Variants in CNTNAP2 observed in about 807,000 individuals in gnomAD.
The protein encoded by CNTNAP2 is contactin associated protein 2, also known as contactin-associated protein-like 2.
A neutral mutation model predicts 155.2 loss-of-function variants in CNTNAP2; 98 were observed. The observed-to-expected ratio is 0.63, with a 90% CI of 0.54 to 0.75. The LOEUF (loss-of-function observed/expected upper bound fraction) is 0.75, where lower values mean the gene tolerates loss of function less well. Among genes scored for constraint, CNTNAP2 ranks in the 30% least tolerant of loss-of-function variants. CNTNAP2 has a pLI of 0.00. For synonymous variants in CNTNAP2, 651 were observed against 631.2 expected, an observed-to-expected ratio of 1.03 and a Z score of -0.47; for missense variants, 1,727 against 1,688.1, an observed-to-expected ratio of 1.02 and a Z score of -0.40.
intron 13 of CNTNAP2, among the ~76,000 whole-genome samples, chr7:147,902,698 G>T (rs1309319611): frequency 6.6e-6 from 1 of 151,626 alleles, no homozygotes; most frequent in Non-Finnish European, 1.5e-5. Flanking sequence ...TAGAATAATA[G>T]TCTTCAGTCC....
chr7:146,941,043 T>C (rs550645125), intron 3 of CNTNAP2, among the ~76,000 whole-genome samples: 7 of 152,194 alleles, frequency 4.6e-5, no homozygotes, highest in African/African-American at 1.7e-4. Context: ...TATAGTTAGG[T>C]CCTATTTTTT....
At chr7:146,244,000 G>A (rs1799604516) in intron 1 of CNTNAP2, among the ~76,000 whole-genome samples, 2 of 152,084 alleles carry the variant, frequency 1.3e-5, no homozygotes, top group African/African-American at 4.8e-5. Flanking sequence ...GGAAGATTTT[G>A]TGGTAAGGGG....
intron 14 of CNTNAP2, among the ~76,000 whole-genome samples, chr7:147,913,484 G>A (rs868086540): frequency 2.0e-5 from 3 of 151,950 alleles, no homozygotes; most frequent in Middle Eastern, 3.2e-3. Flanking sequence ...AAACACAAAT[G>A]GTTTTTACAG....
chr7:147,288,541 A>G (rs1805232382), intron 8 of CNTNAP2, among the ~76,000 whole-genome samples: 1 of 152,252 alleles, frequency 6.6e-6, no homozygotes, highest in Non-Finnish European at 1.5e-5. Context: ...CACCCCAGTC[A>G]TAAGAAATCA....
At chr7:146,845,962 T>C (rs1355608113) in intron 3 of CNTNAP2, among the ~76,000 whole-genome samples, 2 of 152,220 alleles carry the variant, frequency 1.3e-5, no homozygotes, top group Admixed American at 6.5e-5. Flanking sequence ...CCATTTGTTA[T>C]AGTGGTTGCA....
chr7:147,093,904 A>T (rs1423887139), intron 4 of CNTNAP2, among the ~76,000 whole-genome samples: 5 of 152,154 alleles, frequency 3.3e-5, no homozygotes, highest in African/African-American at 7.2e-5. Context: ...AGGAAAAAAA[A>T]TAGGAAAGAA....
intron 3 of CNTNAP2, among the ~76,000 whole-genome samples, chr7:146,859,050 C>T (rs1191713531): frequency 1.3e-5 from 2 of 152,086 alleles, no homozygotes; most frequent in African/African-American, 4.8e-5. Flanking sequence ...GACTCAGGTC[C>T]TATAAATGAA....
At chr7:148,324,492 A>G (rs1797855379) in intron 21 of CNTNAP2, among the ~76,000 whole-genome samples, 1 of 152,150 alleles carries the variant, frequency 6.6e-6, no homozygotes, top group African/African-American at 2.4e-5. Flanking sequence ...ACCAGAATGT[A>G]ATTTCAAGAG....
intron 13 of CNTNAP2, among the ~76,000 whole-genome samples, chr7:147,744,600 A>G (rs1797007435): frequency 1.3e-5 from 2 of 152,232 alleles, no homozygotes; most frequent in Admixed American, 6.5e-5. Flanking sequence ...CAAAGATTGG[A>G]TGGCATAAGC....
At chr7:146,334,227 C>G (rs1222523538) in intron 1 of CNTNAP2, among the ~76,000 whole-genome samples, 1 of 152,090 alleles carries the variant, frequency 6.6e-6, no homozygotes, top group Non-Finnish European at 1.5e-5. Context: ...GTCAGGAGAT[C>G]GAGACCATCC....
chr7:147,090,908 A>G (rs899446266), intron 4 of CNTNAP2, among the ~76,000 whole-genome samples: 7 of 152,182 alleles, frequency 4.6e-5, no homozygotes, highest in African/African-American at 9.6e-5. Flanking sequence ...ATGTGCTAAA[A>G]TAATCAAGAA....
intron 8 of CNTNAP2, among the ~76,000 whole-genome samples, chr7:147,162,337 T>TTAATAGTTAATATGTTA (rs1193824648): frequency 6.6e-6 from 1 of 152,206 alleles, no homozygotes; most frequent in Non-Finnish European, 1.5e-5. Context: ...TAACTATTAT[T>TTAATAGTTAATATGTTA]ATGAATAATG....
intron 15 of CNTNAP2, among the ~76,000 whole-genome samples, chr7:148,006,891 C>T (rs1395369159): frequency 6.6e-6 from 1 of 152,170 alleles, no homozygotes; most frequent in African/African-American, 2.4e-5. Context: ...TGAGGCTAAG[C>T]TTCATTGCAC....
chr7:148,331,725 T>C (rs1365368867), intron 21 of CNTNAP2, among the ~76,000 whole-genome samples: 3,601 of 107,786 alleles, frequency 0.033, 31 homozygotes, highest in East Asian at 0.06. Flanking sequence ...ACGGATGGAT[T>C]GGATGGATGG....
chr7:146,175,348 G>A (rs936749077), intron 1 of CNTNAP2, among the ~76,000 whole-genome samples: 3 of 152,198 alleles, frequency 2.0e-5, no homozygotes, highest in African/African-American at 7.2e-5. Flanking sequence ...GCCACTGCAA[G>A]GTATTCTTTG....
At chr7:147,074,722 G>C (rs1027793371) in intron 4 of CNTNAP2, among the ~76,000 whole-genome samples, 11 of 151,884 alleles carry the variant, frequency 7.2e-5, no homozygotes, top group South Asian at 2.1e-4. Flanking sequence ...TAATATTATG[G>C]CTCTTTGAAA....
intron 13 of CNTNAP2, among the ~76,000 whole-genome samples, chr7:147,750,748 C>T (rs1241262117): frequency 6.6e-6 from 1 of 152,124 alleles, no homozygotes; most frequent in South Asian, 2.1e-4. Context: ...TTAGAAAATT[C>T]CAGGCTTTGG....
chr7:146,472,930 G>A (rs1046845785), intron 1 of CNTNAP2, among the ~76,000 whole-genome samples: 1 of 149,198 alleles, frequency 6.7e-6, no homozygotes, highest in Non-Finnish European at 1.5e-5. Context: ...GGCATTAGCA[G>A]TGGGATACTA....
At position 147,924,143 on chromosome 7, in the gene CNTNAP2, C is replaced by CTTTTTTTTTTTTTTTTTT. The variant is rs71527854; in HGVS notation, c.2255+20435_2255+20436insTTTTTTTTTTTTTTTTTT. Among the ~76,000 whole-genome samples the CTTTTTTTTTTTTTTTTTT allele has an allele frequency of 3.6e-4, 44 of 123,466 alleles. 2 individuals carry two copies. Among genetic ancestry groups the CTTTTTTTTTTTTTTTTTT allele is most frequent in the Non-Finnish European group, 4.9e-4 (30 of 60,858 alleles). 81.0% of individuals were successfully genotyped at this position (123,466 alleles called of 152,430 possible). A position where few individuals can be genotyped will look rare whatever the true frequency, so the allele number is the denominator to read the frequency against. On this transcript the variant is annotated intron_variant, in intron 14 of 23. Transcript: ENST00000361727. Reference sequence around the variant, plus strand: ...GCACTTTTTTCTTTTCTTTTCTTTTCTTTTTTTTTTTTTGAGACAGAGTTT... The same window carrying CTTTTTTTTTTTTTTTTTT: ...GCACTTTTTTCTTTTCTTTTCTTTTCTTTTTTTTTTTTTTTTTTTTTTTTTTTTTTTGAGACAGAGTTT...
Sources: gnomAD v4.1 joint callset for allele counts (sites outside exome capture counted in the v4.1 genomes callset) on GRCh38, gnomAD v4.1.1 for gene constraint, MANE v1.5 for transcripts, NCBI Gene and HGNC (gene_info 2026-07-23, HGNC 2026-07-21) for gene names.